CEP72: variants seen among roughly 807,000 people sequenced by gnomAD.
The protein encoded by CEP72 is centrosomal protein of 72 kDa.
Under a neutral mutation model 65.7 loss-of-function variants are expected in CEP72, and 78 were observed. The ratio of observed to expected loss-of-function variants is 1.19; its 90% CI spans 0.99 to 1.43. The LOEUF (loss-of-function observed/expected upper bound fraction) is 1.43. CEP72 is among the 40% of genes most tolerant of loss of function. The pLI, the probability that CEP72 is intolerant of heterozygous loss-of-function variation, is 0.00. For synonymous variants in CEP72, 358 were observed against 351.7 expected, an observed-to-expected ratio of 1.02 and a Z score of -0.20; for missense variants, 914 against 832.9, an observed-to-expected ratio of 1.10 and a Z score of -1.20.
At chr5:632,216 T>C (rs372343346) in intron 4 of CEP72, among the ~76,000 whole-genome samples, 2 of 61,220 alleles carry the variant, frequency 3.3e-5, no homozygotes, top group African/African-American at 6.5e-5. Flanking sequence ...TTCTGTCCAG[T>C]GTCGGGATTT....
intron 10 of CEP72, among the ~76,000 whole-genome samples, chr5:647,400 G>A (rs1267475467): frequency 1.3e-5 from 2 of 152,252 alleles, no homozygotes; most frequent in Admixed American, 1.3e-4. Context: ...GAGACCTGTG[G>A]CCACTGTGGG....
chr5:641,283 G>T, intron 9 of CEP72: 4 of 985,442 alleles, frequency 4.1e-6, no homozygotes, highest in Non-Finnish European at 4.8e-6. Context: ...TTAGCACAGG[G>T]AGCTGGTGGT....
At chr5:618,868 A>C (rs923937292) in intron 1 of CEP72, 122 bp from the exon 2 acceptor site, 8 of 778,498 alleles carry the variant, frequency 1.0e-5, no homozygotes, top group Non-Finnish European at 1.4e-5. Flanking sequence ...AGCCTGAGTA[A>C]AGTTGAATTA....
At chr5:650,341 G>A (rs1195202971) in intron 11 of CEP72, among the ~76,000 whole-genome samples, 4 of 124,390 alleles carry the variant, frequency 3.2e-5, no homozygotes, top group African/African-American at 1.4e-4. Context: ...AGGTGTGACT[G>A]TGAGGCGTGG....
intron 3 of CEP72, among the ~76,000 whole-genome samples, chr5:621,164 A>G (rs1736365553): frequency 6.6e-6 from 1 of 152,134 alleles, no homozygotes. Flanking sequence ...GGGCCTATAA[A>G]CGTTCCCTGG....
chr5:656,881 C>A (rs1739392351), downstream of CEP72: 2 of 152,150 alleles, frequency 1.3e-5, no homozygotes, highest in African/African-American at 4.8e-5. Flanking sequence ...TAAATTCTCA[C>A]CATTTATCCA....
At chr5:663,234 C>G (rs921717961) in intron 1 of CEP72, 2 of 152,438 alleles carry the variant, frequency 1.3e-5, no homozygotes, top group Non-Finnish European at 2.9e-5. Flanking sequence ...CCGAACCGCA[C>G]ATTCAGAGTT....
chr5:660,935 C>G (rs1341890850), downstream of CEP72: 1 of 152,254 alleles, frequency 6.6e-6, no homozygotes. Context: ...CATCTGCGCC[C>G]AAACTTGGAC....
chr5:631,254 A>G (rs1233807431), intron 4 of CEP72, among the ~76,000 whole-genome samples: 6 of 1,168 alleles, frequency 5.1e-3, no homozygotes, highest in Admixed American at 9.6e-3. Flanking sequence ...GCCGGGATTT[A>G]GACCAGTCCT....
At chr5:632,973 A>G (rs1222332649) in intron 4 of CEP72, among the ~76,000 whole-genome samples, 4 of 91,290 alleles carry the variant, frequency 4.4e-5, no homozygotes, top group Non-Finnish European at 8.2e-5. Context: ...GATTTAGACC[A>G]GTCCTGGTGG....
chr5:648,234 A>G (rs1738554752), intron 11 of CEP72, among the ~76,000 whole-genome samples: 1 of 149,218 alleles, frequency 6.7e-6, no homozygotes, highest in African/African-American at 2.5e-5. Context: ...GTATGTGACC[A>G]TGGGGTGTGG....
chr5:652,109 G>A (rs1739147766), intron 11 of CEP72, among the ~76,000 whole-genome samples: 2 of 152,218 alleles, frequency 1.3e-5, no homozygotes, highest in South Asian at 4.1e-4. Flanking sequence ...CCAGTCGTGG[G>A]CAGGGCCATG....
In CEP72 at chr5:612,407, C is replaced by T. The variant is rs1207846702; in HGVS notation, c.46C>T (p.Arg16Trp). ...PRLVLSEEAV[R>W]AKSGLGPHRD... ...GCTGGTGCTGAGCGAGGAGGCGGTT[C>T]GGGCGAAGAGCGGCTTAGGGCCTCA... Residue 16 changes from arginine to tryptophan, a missense_variant, in exon 1 of 12, where the codon CGG (arginine) becomes TGG (tryptophan). By Grantham distance (101) the Arg-to-Trp change is moderately radical. Coordinates refer to ENST00000264935, the MANE Select transcript of CEP72 (RefSeq NM_018140.4). 1.3e-6 allele frequency: 2 copies of T among 1,486,674 alleles called. No individual in the cohort carries two copies. Among genetic ancestry groups the T allele is most frequent in the Non-Finnish European group, 1.8e-6 (2 of 1,123,350 alleles). 92.1% of individuals were successfully genotyped at this position (1,486,674 alleles called of 1,614,324 possible). A position where few individuals can be genotyped will look rare whatever the true frequency, so the allele number is the denominator to read the frequency against.
In CEP72 at chr5:653,174, CA is replaced by C; in HGVS notation, c.*22del. On this transcript the variant is annotated 3_prime_UTR_variant, in exon 12 of 12. Transcript: ENST00000264935. ...GCTGACTCCTGCCGAGAAGCTGGGCCACCCCTTAAGCTTCCTGGTAAAGTTA... is the reference window on the plus strand; with the variant it reads ...GCTGACTCCTGCCGAGAAGCTGGGCCCCCCTTAAGCTTCCTGGTAAAGTTA... 9 of 1,580,698 alleles carry C rather than the reference CA, an allele frequency of 5.7e-6. No homozygotes were observed. The highest frequency in any genetic ancestry group is 7.7e-6 in the Non-Finnish European group (9 of 1,166,138).
chr5:622,130 C>T (rs1736433841), intron 3 of CEP72, among the ~76,000 whole-genome samples: 1 of 152,238 alleles, frequency 6.6e-6, no homozygotes, highest in African/African-American at 2.4e-5. Flanking sequence ...TCTGGAGATG[C>T]TGGAAAGAGC....
At chr5:618,369 C>T (rs769588356) in intron 1 of CEP72, among the ~76,000 whole-genome samples, 1 of 152,114 alleles carries the variant, frequency 6.6e-6, no homozygotes, top group African/African-American at 2.4e-5. Flanking sequence ...GCTGAAAATA[C>T]AGAAATGTGT....
In CEP72 at chr5:664,980, C is replaced by T. The variant is rs370756173; in HGVS notation, n.288-200C>T. The T allele has an allele frequency of 6.2e-5, 77 of 1,249,124 alleles. No homozygotes were observed. In the South Asian group the frequency reaches 1.0e-3, roughly 16 times the overall value. 77.4% of individuals were successfully genotyped at this position (1,249,124 alleles called of 1,614,324 possible). Reference sequence around the variant, plus strand: ...GGGAGGCCTGGGCCTGGCCGCCCCCCAGCCCCCTCTGGGGCACCCGTCTGA... The same window carrying T: ...GGGAGGCCTGGGCCTGGCCGCCCCCTAGCCCCCTCTGGGGCACCCGTCTGA... On this transcript the variant is annotated intron_variant and non_coding_transcript_variant, in intron 2 of 4. Transcript: ENST00000514507.
chr5:649,201 CTGTG>C (rs1738717912), intron 11 of CEP72, among the ~76,000 whole-genome samples: 1 of 102,464 alleles, frequency 9.8e-6, no homozygotes, highest in African/African-American at 3.9e-5. Context: ...TGAGGTGTGA[CTGTG>C]AGGTGTGGAC....
At chr5:642,418 C>G in intron 9 of CEP72, 1 of 985,484 alleles carries the variant, frequency 1.0e-6, no homozygotes, top group Non-Finnish European at 1.2e-6. Flanking sequence ...TACTGAAACA[C>G]ACGTGACCGG....
Sources: allele counts gnomAD v4.1 joint callset (sites outside exome capture counted in the v4.1 genomes callset), GRCh38; gene constraint gnomAD v4.1.1; transcripts MANE v1.5; gene names NCBI Gene and HGNC (gene_info 2026-07-23, HGNC 2026-07-21).